SNX29: variants seen among roughly 807,000 people sequenced by gnomAD.
SNX29 encodes the protein sorting nexin 29, also known as sorting nexin-29.
Under a neutral mutation model 102.1 loss-of-function variants are expected in SNX29, and 78 were observed. That is an observed-to-expected ratio of 0.76 (90% CI 0.64 to 0.92). The LOEUF (loss-of-function observed/expected upper bound fraction) is 0.92. Among genes scored for constraint, SNX29 ranks in the 40% least tolerant of loss-of-function variants. The pLI is 0.00. For missense variants in SNX29, 1,280 were observed against 1,061.7 expected, an observed-to-expected ratio of 1.21 and a Z score of -2.86; for synonymous variants, 580 against 414.5, an observed-to-expected ratio of 1.40 and a Z score of -4.85.
chr16:12,122,061 C>T (rs940831686), intron 11 of SNX29, among the ~76,000 whole-genome samples: 2 of 152,214 alleles, frequency 1.3e-5, no homozygotes, highest in South Asian at 4.1e-4. Flanking sequence ...AGTGATCTGC[C>T]TGCCTCAGCC....
intron 13 of SNX29, among the ~76,000 whole-genome samples, chr16:12,186,572 C>T (rs985196771): frequency 1.3e-5 from 2 of 152,202 alleles, no homozygotes; most frequent in Non-Finnish European, 2.9e-5. Context: ...ATTCATATTT[C>T]ACCAATGGGG....
chr16:11,988,731 A>G, intron 1 of SNX29, among the ~76,000 whole-genome samples: 1 of 152,104 alleles, frequency 6.6e-6, no homozygotes. Context: ...GTACATTGCC[A>G]TGCTAGTGTT....
rs1171614119 is a variant in SNX29, at chr16:11,976,770, G to A, written c.-37G>A. On this transcript the variant is annotated 5_prime_UTR_variant, in exon 1 of 21. Transcript: ENST00000566228. The stretch of plus-strand genomic sequence containing the variant: ...GGCAGCCGCAGAAGCGGCAGCGGCG[G>A]CGGCGCGGCGCAGGCACCGGCCCGG... 1.5e-6 allele frequency: 2 copies of A among 1,313,412 alleles called. No individual in the cohort carries two copies. The highest frequency in any genetic ancestry group is 1.9e-6 in the Non-Finnish European group (2 of 1,028,572). The allele number at this position is 1,313,412 out of a possible 1,614,324, so 81.4% of individuals were successfully genotyped here.
intron 16 of SNX29, among the ~76,000 whole-genome samples, chr16:12,395,376 C>G (rs2083682473): frequency 6.6e-6 from 1 of 152,226 alleles, no homozygotes; most frequent in Non-Finnish European, 1.5e-5. Context: ...ATGGAAACTT[C>G]TTTGCTGATG....
intron 11 of SNX29, among the ~76,000 whole-genome samples, chr16:12,124,442 T>C (rs2054119175): frequency 6.6e-6 from 1 of 152,220 alleles, no homozygotes. Flanking sequence ...GGACCAGTTT[T>C]TTCTTGCGTG....
chr16:12,334,088 G>A (rs1206673449), intron 15 of SNX29, among the ~76,000 whole-genome samples: 1 of 152,086 alleles, frequency 6.6e-6, no homozygotes, highest in African/African-American at 2.4e-5. Context: ...TCAGCTAGAC[G>A]TAGGGAAACA....
intron 3 of SNX29, among the ~76,000 whole-genome samples, chr16:12,025,831 T>TG (rs1262672916): frequency 6.6e-6 from 1 of 152,130 alleles, no homozygotes. Flanking sequence ...CGTGATGATA[T>TG]GGGGGATGGA....
At chr16:12,396,151 G>GA (rs1197769988) in intron 16 of SNX29, among the ~76,000 whole-genome samples, 3 of 152,174 alleles carry the variant, frequency 2.0e-5, no homozygotes, top group African/African-American at 7.2e-5. Flanking sequence ...AATGTTCCCT[G>GA]AAAATCCCCA....
intron 3 of SNX29, among the ~76,000 whole-genome samples, chr16:12,018,255 A>G (rs994385654): frequency 6.6e-6 from 1 of 152,086 alleles, no homozygotes; most frequent in Non-Finnish European, 1.5e-5. Flanking sequence ...GTTTTTCTTC[A>G]TATAGGGCTT....
At chr16:12,538,615 C>A (rs985340535) in intron 20 of SNX29, among the ~76,000 whole-genome samples, 6 of 152,066 alleles carry the variant, frequency 3.9e-5, no homozygotes, top group African/African-American at 1.4e-4. Flanking sequence ...TGCAGGAGGG[C>A]CTTGACTAGG....
At position 12,571,935 on chromosome 16, in the gene SNX29, C is replaced by T. The variant is rs144039865; in HGVS notation, c.*3306C>T. 181 of 1,062,234 alleles carry T rather than the reference C, an allele frequency of 1.7e-4. No individual in the cohort carries two copies. In the Middle Eastern group the frequency reaches 4.2e-3, roughly 25 times the overall value. The allele number at this position is 1,062,234 out of a possible 1,614,324, so 65.8% of individuals were successfully genotyped here. A position where few individuals can be genotyped will look rare whatever the true frequency, so the allele number is the denominator to read the frequency against. On this transcript the variant is annotated 3_prime_UTR_variant, in exon 21 of 21. Coordinates refer to ENST00000566228, the MANE Select transcript of SNX29 (RefSeq NM_032167.5). ...ACTGGCAGGCCCTGGTGAAGGAAGA[C>T]ACTTTCAGGGAAGAGGCTCTTACAG...
chr16:12,038,524 G>A (rs529272062), intron 4 of SNX29, among the ~76,000 whole-genome samples: 1 of 152,170 alleles, frequency 6.6e-6, no homozygotes, highest in Non-Finnish European at 1.5e-5. Flanking sequence ...GCAGATCAGT[G>A]TATATCCCTA....
At chr16:12,462,359 G>C (rs1243350923) in intron 18 of SNX29, among the ~76,000 whole-genome samples, 4 of 152,048 alleles carry the variant, frequency 2.6e-5, no homozygotes, top group Non-Finnish European at 5.9e-5. Context: ...AATTGTATCT[G>C]GGGAGAAGAG....
chr16:11,982,798 C>T (rs759270360), intron 1 of SNX29, among the ~76,000 whole-genome samples: 2 of 152,082 alleles, frequency 1.3e-5, no homozygotes, highest in Non-Finnish European at 2.9e-5. Context: ...AGTGATCAAA[C>T]AATTTGTGTA....
intron 3 of SNX29, among the ~76,000 whole-genome samples, chr16:12,019,501 G>A (rs915016219): frequency 1.3e-5 from 2 of 151,646 alleles, no homozygotes; most frequent in African/African-American, 4.8e-5. Context: ...CACCGCGCCT[G>A]GCAACTATGA....
intron 13 of SNX29, chr16:12,135,559 G>C: frequency 1.5e-6 from 2 of 1,329,102 alleles, no homozygotes; most frequent in Non-Finnish European, 2.0e-6. Flanking sequence ...AGCTATCTTT[G>C]CTATTTTGTG....
chr16:12,530,179 C>T (rs539097907), intron 20 of SNX29, among the ~76,000 whole-genome samples: 6 of 152,312 alleles, frequency 3.9e-5, no homozygotes, highest in African/African-American at 1.2e-4. Flanking sequence ...ATAGAAAGTG[C>T]GGTGTTGATT....
At chr16:12,541,676 C>G (rs4781250) in intron 20 of SNX29, among the ~76,000 whole-genome samples, 1 of 152,186 alleles carries the variant, frequency 6.6e-6, no homozygotes, top group African/African-American at 2.4e-5. Flanking sequence ...TGCTGACACC[C>G]GTTTACCACT....
At chr16:12,034,041 G>GT (rs1264903024) in intron 4 of SNX29, among the ~76,000 whole-genome samples, 1 of 152,160 alleles carries the variant, frequency 6.6e-6, no homozygotes, top group Non-Finnish European at 1.5e-5. Flanking sequence ...TCAGTGGTCT[G>GT]TACGCATCTT....
Sources: gnomAD v4.1 joint callset for allele counts (sites outside exome capture counted in the v4.1 genomes callset) on GRCh38, gnomAD v4.1.1 for gene constraint, MANE v1.5 for transcripts, NCBI Gene and HGNC (gene_info 2026-07-23, HGNC 2026-07-21) for gene names.